Variants in DROSHA observed in about 807,000 individuals in gnomAD.
The protein encoded by DROSHA is ribonuclease 3.
In DROSHA, 56 loss-of-function variants were observed where a neutral mutation model predicts 181.9. That is an observed-to-expected ratio of 0.31 (90% CI 0.25 to 0.38). The LOEUF is 0.38. Ranked by LOEUF, DROSHA falls within the 10% of genes least tolerant of loss-of-function variation. The probability of loss-of-function intolerance (pLI) is 1.00; values close to 1 mark genes in which losing one functional copy is unlikely to be tolerated. For missense variants in DROSHA, 1,218 were observed against 1,743.5 expected (o/e 0.70, Z 5.37); for synonymous variants, 524 against 591.2 (o/e 0.89, Z 1.65).
intron 13 of DROSHA, among the ~76,000 whole-genome samples, chr5:31,487,181 T>C (rs922632969): frequency 2.6e-5 from 4 of 152,266 alleles, no homozygotes; most frequent in African/African-American, 4.8e-5. Flanking sequence ...GGCTACCATG[T>C]CCACTGAACA....
At chr5:31,446,379 A>G (rs4867066) in intron 23 of DROSHA, among the ~76,000 whole-genome samples, 32,221 of 144,624 alleles carry the variant, frequency 0.22, 5,528 homozygotes, top group African/African-American at 0.49. Context: ...CCCGGGAGGT[A>G]GAGTTTGCAG....
At chr5:31,402,245 T>C (rs1443718077) in intron 35 of DROSHA, among the ~76,000 whole-genome samples, 2 of 152,164 alleles carry the variant, frequency 1.3e-5, no homozygotes, top group Non-Finnish European at 2.9e-5. Flanking sequence ...GGGGGCAAGT[T>C]CATTTGTTTG....
At position 31,435,879 on chromosome 5, in the gene DROSHA, A is replaced by AG. The variant is rs1317615838; in HGVS notation, c.2943-16dup. The AG allele has an allele frequency of 6.3e-7, 1 of 1,598,136 alleles. No homozygotes were observed. Among genetic ancestry groups the AG allele is most frequent in the Non-Finnish European group, 8.5e-7 (1 of 1,169,858 alleles). On this transcript the variant is annotated splice_polypyrimidine_tract_variant and intron_variant, in intron 24 of 35. Coordinates refer to ENST00000344624, the MANE Select transcript of DROSHA (RefSeq NM_001382508.1). ...ACAAATGGACGCTACAAAAAAAAAA[A>AG]GAAGTACATGAATAAATATGCATCA...
chr5:31,491,715 A>G (rs116317818), intron 13 of DROSHA, among the ~76,000 whole-genome samples: 1,864 of 152,054 alleles, frequency 0.012, 41 homozygotes, highest in African/African-American at 0.043. Flanking sequence ...AAAAATGCAA[A>G]GAAATCATGA....
chr5:31,412,346 A>T (rs1402373182), intron 30 of DROSHA, among the ~76,000 whole-genome samples: 1 of 152,232 alleles, frequency 6.6e-6, no homozygotes, highest in Admixed American at 6.5e-5. Context: ...GCTAAGAAAC[A>T]TTCCTGAAAA....
chr5:31,413,306 T>G (rs1199986536), intron 30 of DROSHA, among the ~76,000 whole-genome samples: 1 of 151,992 alleles, frequency 6.6e-6, no homozygotes, highest in Non-Finnish European at 1.5e-5. Flanking sequence ...CAAAAATCAG[T>G]GGGGGAGAAG....
intron 16 of DROSHA, among the ~76,000 whole-genome samples, chr5:31,474,418 A>G (rs1750126810): frequency 6.6e-6 from 1 of 151,612 alleles, no homozygotes; most frequent in African/African-American, 2.4e-5. Context: ...GCTGGAGTGC[A>G]GTGATGCCAT....
intron 23 of DROSHA, among the ~76,000 whole-genome samples, chr5:31,444,566 G>A (rs534118261): frequency 3.3e-5 from 5 of 152,196 alleles, no homozygotes; most frequent in Non-Finnish European, 5.9e-5. Context: ...CAACAACTGC[G>A]GTAGGGGAAG....
In DROSHA at chr5:31,495,364, C is replaced by A. The variant is rs762755765; in HGVS notation, c.1677G>T (p.Lys559Asn). 1 of 1,613,418 alleles carries A rather than the reference C, an allele frequency of 6.2e-7. No individual in the cohort carries two copies. The highest frequency in any genetic ancestry group is 8.5e-7 in the Non-Finnish European group (1 of 1,179,686). Reference protein sequence around the residue: ...HSIYPGEEAIKPCRPMTNNAG... With the variant: ...HSIYPGEEAINPCRPMTNNAG... ...CATTGTTGGTCATAGGACGACAGGG[C>A]TTGATGGCCTGAGGGGAAAAAAACG... The change falls in exon 12 of 36, where the codon AAG (lysine) becomes AAT (asparagine). Residue 559 changes from lysine to asparagine, a missense_variant. Coordinates refer to ENST00000344624, the MANE Select transcript of DROSHA (RefSeq NM_001382508.1).
rs67311624 is a variant in DROSHA at position 31,493,937 on chromosome 5, TTGTGTGTGTG to T, written c.1756-654_1756-645del. Among the ~76,000 whole-genome samples, 801 of 144,804 alleles carry T rather than the reference TTGTGTGTGTG, an allele frequency of 5.5e-3. 9 individuals are homozygous for T. Among genetic ancestry groups the T allele is most frequent in the Admixed American group, 3.6e-3 (53 of 14,668 alleles). The allele number at this position is 144,804 out of a possible 152,430, so 95.0% of individuals were successfully genotyped here. ...CTTATGCCATTCTTATAACCCACCATTGTGTGTGTGTGTGTGTGTGTGTGTGTGTGTGTGT... is the reference window on the plus strand; with the variant it reads ...CTTATGCCATTCTTATAACCCACCATTGTGTGTGTGTGTGTGTGTGTGTGT... On this transcript the variant is annotated intron_variant, in intron 12 of 35. Coordinates refer to ENST00000344624, the MANE Select transcript of DROSHA (RefSeq NM_001382508.1).
At chr5:31,403,227 A>G (rs1487875361) in intron 35 of DROSHA, among the ~76,000 whole-genome samples, 2 of 152,262 alleles carry the variant, frequency 1.3e-5, no homozygotes, top group Non-Finnish European at 2.9e-5. Context: ...ACTAAGCTGT[A>G]AAGCAAGTTT....
At chr5:31,465,779 C>T (rs1037528042) in intron 19 of DROSHA, among the ~76,000 whole-genome samples, 3 of 152,070 alleles carry the variant, frequency 2.0e-5, no homozygotes, top group African/African-American at 7.2e-5. Context: ...TCTCTTCCTC[C>T]CTCTTCTGTC....
chr5:31,451,644 G>GAAAA lies in DROSHA; in HGVS notation c.2575-5_2575-4insTTTT. The GAAAA allele has an allele frequency of 6.3e-7, 1 of 1,584,868 alleles. No individual in the cohort carries two copies. Among genetic ancestry groups the GAAAA allele is most frequent in the Admixed American group, 1.8e-5 (1 of 55,508 alleles). On this transcript the variant is annotated splice_region_variant and splice_polypyrimidine_tract_variant and intron_variant, in intron 20 of 35. Transcript: ENST00000344624. The stretch of plus-strand genomic sequence containing the variant: ...GAACAGGTAGCATCATTGCATGCTA[G>GAAAA]GAAAAAAAAAATTCAATATGTTTAA...
chr5:31,453,010 G>A (rs1460447178), intron 20 of DROSHA, among the ~76,000 whole-genome samples: 1 of 152,166 alleles, frequency 6.6e-6, no homozygotes, highest in Non-Finnish European at 1.5e-5. Flanking sequence ...GGAAGCTCAA[G>A]AGTTGATGCT....
intron 21 of DROSHA, among the ~76,000 whole-genome samples, chr5:31,450,975 G>T (rs947512835): frequency 6.6e-6 from 1 of 152,176 alleles, no homozygotes; most frequent in Non-Finnish European, 1.5e-5. Context: ...GCCAAGGCAG[G>T]CACATCACCT....
intron 34 of DROSHA, 59 bp from the exon 35 acceptor site, chr5:31,405,782 T>TC (rs1377262245): frequency 3.5e-6 from 5 of 1,412,252 alleles, no homozygotes; most frequent in Admixed American, 5.6e-5. Context: ...TTTTTTTTTT[T>TC]TTTTTTTTTC....
intron 33 of DROSHA, chr5:31,407,162 C>A: frequency 3.1e-6 from 1 of 327,376 alleles, no homozygotes; most frequent in Non-Finnish European, 5.5e-6. Flanking sequence ...AAAAATTCTG[C>A]ATTGTATTTT....
chr5:31,451,686 A>G (rs1022139223), intron 20 of DROSHA, 46 bp from the exon 21 acceptor site: 3 of 1,432,146 alleles, frequency 2.1e-6, no homozygotes, highest in Non-Finnish European at 2.9e-6. Context: ...AAAAACTTAT[A>G]AAGTCACTTC....
chr5:31,478,113 C>T (rs1750616743), intron 16 of DROSHA, among the ~76,000 whole-genome samples: 1 of 152,068 alleles, frequency 6.6e-6, no homozygotes, highest in Non-Finnish European at 1.5e-5. Context: ...CCATAAAATA[C>T]CTGAAAAATG....
Sources: gnomAD v4.1 joint callset for allele counts (sites outside exome capture counted in the v4.1 genomes callset) on GRCh38, gnomAD v4.1.1 for gene constraint, MANE v1.5 for transcripts, NCBI Gene and HGNC (gene_info 2026-07-23, HGNC 2026-07-21) for gene names.